Variants in SORCS1 observed in about 807,000 individuals in gnomAD.
The protein encoded by SORCS1 is sortilin related VPS10 domain containing receptor 1.
Under a neutral mutation model 146.1 loss-of-function variants are expected in SORCS1, and 60 were observed. The observed-to-expected ratio is 0.41, with a 90% CI of 0.33 to 0.51. The LOEUF (loss-of-function observed/expected upper bound fraction) is 0.51. Ranked by LOEUF, SORCS1 falls within the 20% of genes least tolerant of loss-of-function variation. The probability of loss-of-function intolerance (pLI) is 0.21; values close to 1 mark genes in which losing one functional copy is unlikely to be tolerated. For synonymous variants in SORCS1, 637 were observed against 584.0 expected (o/e 1.09, Z -1.31); for missense variants, 1,352 against 1,487.6 (o/e 0.91, Z 1.50).
At chr10:106,597,221 C>T (rs868472314) in intron 24 of SORCS1, 130 bp downstream of exon 24, 2 of 724,270 alleles carry the variant, frequency 2.8e-6, no homozygotes, top group East Asian at 2.8e-5. Context: ...AGGGAACCTC[C>T]AAGATCCGAT....
chr10:106,857,120 T>G (rs1284611624), intron 2 of SORCS1, among the ~76,000 whole-genome samples: 1 of 152,146 alleles, frequency 6.6e-6, no homozygotes, highest in Non-Finnish European at 1.5e-5. Flanking sequence ...CATATCTTTG[T>G]TCACCCCCAG....
intron 1 of SORCS1, among the ~76,000 whole-genome samples, chr10:107,035,741 G>A (rs1176047051): frequency 3.3e-5 from 5 of 152,058 alleles, no homozygotes. Context: ...AATCACTAAT[G>A]TGTTTTAGAA....
intron 3 of SORCS1, among the ~76,000 whole-genome samples, chr10:106,790,988 A>T (rs924526373): frequency 2.0e-5 from 3 of 152,248 alleles, no homozygotes; most frequent in African/African-American, 7.2e-5. Flanking sequence ...AAGCATCACT[A>T]TGCAGAGATT....
rs375315001 is a variant in SORCS1 at position 107,135,632 on chromosome 10, T to C, written c.558+28337A>G. Among the ~76,000 whole-genome samples the C allele has an allele frequency of 4.6e-5, 7 of 152,330 alleles. No individual in the cohort carries two copies. The East Asian group carries it at 1.3e-3, about 29-fold the overall frequency. The stretch of plus-strand genomic sequence containing the variant: ...TATACATTGGAAGTTTCCTAATGGC[T>C]CCAGCTATCAGTGTATCTGATTAAC... On this transcript the variant is annotated intron_variant, in intron 1 of 25. Transcript: ENST00000263054.
intron 1 of SORCS1, among the ~76,000 whole-genome samples, chr10:107,016,509 A>C (rs1275595076): frequency 3.3e-5 from 5 of 151,918 alleles, no homozygotes; most frequent in Admixed American, 3.3e-4. Context: ...TGTCTCAAAA[A>C]AGAAAAAAAA....
chr10:106,676,107 T>G (rs1852005801), intron 13 of SORCS1, among the ~76,000 whole-genome samples: 1 of 152,200 alleles, frequency 6.6e-6, no homozygotes, highest in Non-Finnish European at 1.5e-5. Context: ...TGAATGCCCT[T>G]GCCCAAGCTT....
chr10:106,960,873 C>T lies in SORCS1; in HGVS notation c.559-4293G>A, dbSNP rs1303048666. Among the ~76,000 whole-genome samples, 1 of 152,158 alleles carries T rather than the reference C, an allele frequency of 6.6e-6. No homozygotes were observed. Among genetic ancestry groups the T allele is most frequent in the African/African-American group, 2.4e-5 (1 of 41,424 alleles). ...GGGCTTCTTCTCCCACAGCACTGAGCCACATTTTCATAACCCGGGCTCCCA... is the reference window on the plus strand; with the variant it reads ...GGGCTTCTTCTCCCACAGCACTGAGTCACATTTTCATAACCCGGGCTCCCA... On this transcript the variant is annotated intron_variant, in intron 1 of 25. Transcript: ENST00000263054. The surrounding 1 kb of genome is among the most constrained non-coding windows in gnomAD (Gnocchi z 4.4).
At chr10:107,016,499 T>C (rs1249558509) in intron 1 of SORCS1, among the ~76,000 whole-genome samples, 1 of 151,730 alleles carries the variant, frequency 6.6e-6, no homozygotes, top group East Asian at 1.9e-4. Context: ...AACAAGACTC[T>C]GTCTCAAAAA....
the SORCS1 span, among the ~76,000 whole-genome samples, chr10:107,176,915 T>A: frequency 4.6e-4 from 70 of 152,128 alleles, 1 homozygote; most frequent in African/African-American, 1.6e-3. Context: ...ATTTTATTAA[T>A]TTTTTTGGCT....
At chr10:106,773,559 A>G (rs1381251548) in intron 4 of SORCS1, among the ~76,000 whole-genome samples, 3 of 152,132 alleles carry the variant, frequency 2.0e-5, no homozygotes, top group African/African-American at 7.2e-5. Context: ...TGTTTTTTCC[A>G]GTATGATTTA....
chr10:106,967,317 A>G (rs907096967), intron 1 of SORCS1, among the ~76,000 whole-genome samples: 2 of 149,950 alleles, frequency 1.3e-5, no homozygotes, highest in African/African-American at 4.9e-5. Context: ...TCCTCTTGGT[A>G]AATTATTCTG....
intron 1 of SORCS1, among the ~76,000 whole-genome samples, chr10:107,106,182 T>C (rs953967336): frequency 1.3e-5 from 2 of 152,218 alleles, no homozygotes; most frequent in South Asian, 2.1e-4. Context: ...ATTCAGATGA[T>C]ACAAATGAGA....
At chr10:106,957,174 GT>G (rs1288054851) in intron 1 of SORCS1, among the ~76,000 whole-genome samples, 22 of 62,830 alleles carry the variant, frequency 3.5e-4, no homozygotes, top group African/African-American at 8.5e-4. Flanking sequence ...TGTTTTTTTT[GT>G]TTTTTTTTTT....
chr10:106,579,666 C>G (rs1172148545), intron 24 of SORCS1, among the ~76,000 whole-genome samples, 192 bp from the exon 25 acceptor site: 4 of 145,156 alleles, frequency 2.8e-5, no homozygotes, highest in Non-Finnish European at 6.1e-5. Flanking sequence ...CCCAAATGTT[C>G]CTGCTCTGCA....
Position 107,164,231 on chromosome 10 carries a change from A to G in SORCS1, c.296T>C (p.Met99Thr), listed in dbSNP as rs374412857. 1.2e-4 allele frequency: 188 copies of G among 1,607,868 alleles called. 1 individual carries two copies. The highest frequency in any genetic ancestry group is 2.5e-4 in the Admixed American group (15 of 60,006). ...LERARGTGASMAVAARSGRRR... is the reference protein window; with the variant it reads ...LERARGTGASTAVAARSGRRR... The stretch of plus-strand genomic sequence containing the variant: ...CCGGCCGGAGCGTGCAGCAACCGCC[A>G]TGGATGCCCCAGTGCCCCGAGCCCG... Residue 99 changes from methionine (M) to threonine (T), a missense_variant, in exon 1 of 26, where the codon ATG becomes ACG. By Grantham distance (81) the Met-to-Thr change is moderately conservative. This residue lies in a region of SORCS1 where 490 missense variants were observed against 489.1 expected (regional missense o/e 1.00). Coordinates refer to ENST00000263054, the MANE Select transcript of SORCS1 (RefSeq NM_052918.5). The surrounding 1 kb of genome is among the most constrained non-coding windows in gnomAD (Gnocchi z 6.8).
At position 106,577,044 on chromosome 10, in the gene SORCS1, T is replaced by C. The variant is rs921918222; in HGVS notation, c.*376A>G. On this transcript the variant is annotated 3_prime_UTR_variant, in exon 26 of 26. Transcript: ENST00000263054. ...CACCTGTACACTGCCCCTCCAGACATGTTCTCAGAGTATTGTCCACATGCA... is the reference window on the plus strand; with the variant it reads ...CACCTGTACACTGCCCCTCCAGACACGTTCTCAGAGTATTGTCCACATGCA... 23 of 410,416 alleles carry C rather than the reference T, an allele frequency of 5.6e-5. No individual in the cohort carries two copies. The highest frequency in any genetic ancestry group is 3.6e-4 in the African/African-American group (17 of 47,814). The allele number at this position is 410,416 out of a possible 1,614,324, so 25.4% of individuals were successfully genotyped here. A position where few individuals can be genotyped will look rare whatever the true frequency, so the allele number is the denominator to read the frequency against.
At chr10:106,694,203 C>T (rs1324101681) in intron 9 of SORCS1, among the ~76,000 whole-genome samples, 2 of 152,148 alleles carry the variant, frequency 1.3e-5, no homozygotes, top group African/African-American at 2.4e-5. Context: ...AGAGCACTCT[C>T]CTCCTCAAAC....
intron 1 of SORCS1, among the ~76,000 whole-genome samples, chr10:106,998,170 T>C (rs898278544): frequency 2.0e-5 from 3 of 152,258 alleles, no homozygotes; most frequent in African/African-American, 7.2e-5. Context: ...TGCTTTTACA[T>C]AATTCGTTGG....
At chr10:106,742,805 A>C (rs61867268) in intron 5 of SORCS1, among the ~76,000 whole-genome samples, 16,448 of 152,234 alleles carry the variant, frequency 0.11, 973 homozygotes, top group East Asian at 0.23. Context: ...GTCACTCAAA[A>C]AGTTTCAGAT....
Sources: gnomAD v4.1 joint callset for allele counts (sites outside exome capture counted in the v4.1 genomes callset) on GRCh38, gnomAD v4.1.1 for gene constraint, gnomAD v4.1.1 regional missense constraint, Gnocchi (gnomAD v3.1) non-coding constraint, MANE v1.5 for transcripts, NCBI Gene and HGNC (gene_info 2026-07-23, HGNC 2026-07-21) for gene names.